The following DCLK1 variants were observed in gnomAD, a reference collection of about 807,000 sequenced individuals.
DCLK1 encodes serine/threonine-protein kinase DCLK1.
DCLK1 carries 16 observed loss-of-function variants against 86.2 expected under a neutral mutation model. The ratio of observed to expected loss-of-function variants is 0.19; its 90% CI spans 0.13 to 0.28. The LOEUF (loss-of-function observed/expected upper bound fraction) is 0.28, where lower values mean the gene tolerates loss of function less well. Ranked by LOEUF, DCLK1 falls within the 10% of genes least tolerant of loss-of-function variation. DCLK1 has a pLI of 1.00. For synonymous variants in DCLK1, 369 were observed against 370.5 expected (o/e 1.00, Z 0.05); for missense variants, 590 against 940.2 (o/e 0.63, Z 4.87).
intron 8 of DCLK1, among the ~76,000 whole-genome samples, chr13:35,828,680 C>CAAAAG (rs58012679): frequency 0.33 from 50,599 of 151,590 alleles, 8,544 homozygotes; most frequent in East Asian, 0.54. Flanking sequence ...GCTCTCAAAA[C>CAAAAG]AAAACACTAG....
rs572255792 is a variant in DCLK1, at chr13:35,838,083, A to G, written c.1120+1009T>C. 4.6e-5 allele frequency among the ~76,000 whole-genome samples: 7 copies of G among 151,726 alleles called. 1 individual carries two copies. The East Asian group carries it at 1.4e-3, about 29-fold the overall frequency. On this transcript the variant is annotated intron_variant, in intron 7 of 16. Coordinates refer to ENST00000360631, the MANE Select transcript of DCLK1 (RefSeq NM_001330071.2). The stretch of plus-strand genomic sequence containing the variant: ...TCCATCTCAAAAAAAAAAAGAAAAG[A>G]AAAGAAAAGAAAAAAAAGGCTTAGC...
intron 4 of DCLK1, among the ~76,000 whole-genome samples, chr13:35,918,780 T>C (rs1875587805): frequency 6.6e-6 from 1 of 151,952 alleles, no homozygotes; most frequent in Non-Finnish European, 1.5e-5. Flanking sequence ...AATAAAGGGA[T>C]TTATGAAAGC....
At chr13:36,016,864 G>A (rs1881555551) in intron 3 of DCLK1, among the ~76,000 whole-genome samples, 1 of 152,134 alleles carries the variant, frequency 6.6e-6, no homozygotes, top group Non-Finnish European at 1.5e-5. Context: ...TTTATGGCAT[G>A]AAGTCTTTGA....
intron 3 of DCLK1, among the ~76,000 whole-genome samples, chr13:35,986,321 AAAAAAAAG>A (rs1336402988): frequency 4.6e-5 from 7 of 150,898 alleles, no homozygotes; most frequent in Non-Finnish European, 1.0e-4. Context: ...AAAAAAAAAA[AAAAAAAAG>A]GCCAATGAAG....
At chr13:35,933,096 A>AATCCAGT (rs1876548274) in intron 4 of DCLK1, among the ~76,000 whole-genome samples, 1 of 152,334 alleles carries the variant, frequency 6.6e-6, no homozygotes, top group East Asian at 1.9e-4. Flanking sequence ...GCAAGTCCAA[A>AATCCAGT]ATCCAGTGGG....
chr13:36,034,719 C>T (rs1882422034), intron 3 of DCLK1, among the ~76,000 whole-genome samples: 1 of 152,122 alleles, frequency 6.6e-6, no homozygotes, highest in African/African-American at 2.4e-5. Flanking sequence ...AAAGCTCTCA[C>T]TCATCAGTTT....
At chr13:36,040,611 C>A (rs1216874153) in intron 3 of DCLK1, among the ~76,000 whole-genome samples, 1 of 151,720 alleles carries the variant, frequency 6.6e-6, no homozygotes, top group East Asian at 2.0e-4. Flanking sequence ...CTTTTATTCT[C>A]CTTTCTATAC....
intron 4 of DCLK1, among the ~76,000 whole-genome samples, chr13:35,947,021 T>C (rs1877420793): frequency 6.6e-6 from 1 of 152,140 alleles, no homozygotes; most frequent in Admixed American, 6.6e-5. Flanking sequence ...TATTTTATGA[T>C]GACAAATCCC....
chr13:35,941,416 C>T (rs1465665191), intron 4 of DCLK1, among the ~76,000 whole-genome samples: 1 of 152,136 alleles, frequency 6.6e-6, no homozygotes, highest in Non-Finnish European at 1.5e-5. Flanking sequence ...TACCCAACAC[C>T]ATGGTGATCC....
intron 3 of DCLK1, among the ~76,000 whole-genome samples, chr13:35,953,307 C>G (rs1428049559): frequency 6.6e-6 from 1 of 152,020 alleles, no homozygotes; most frequent in Non-Finnish European, 1.5e-5. Flanking sequence ...TGTTAACTAC[C>G]AAGCTGTAGG....
rs998678030 is a variant in DCLK1 at position 36,032,150 on chromosome 13, C to CT, written c.723+79718dup. 4.5e-4 allele frequency among the ~76,000 whole-genome samples: 62 copies of CT among 138,436 alleles called. No homozygotes were observed. The South Asian group carries it at 8.2e-3, about 18-fold the overall frequency. The allele number at this position is 138,436 out of a possible 152,430, so 90.8% of individuals were successfully genotyped here. A position where few individuals can be genotyped will look rare whatever the true frequency, so the allele number is the denominator to read the frequency against. The stretch of plus-strand genomic sequence containing the variant: ...TTTCTTTTCTTTTTTTTTCTTTTTT[C>CT]TTTTTTTTTGAGACGGATTCTTGCT... On this transcript the variant is annotated intron_variant, in intron 3 of 16. Transcript: ENST00000360631.
intron 3 of DCLK1, among the ~76,000 whole-genome samples, chr13:36,091,535 C>G (rs1184012679): frequency 6.6e-6 from 1 of 152,124 alleles, no homozygotes; most frequent in Non-Finnish European, 1.5e-5. Context: ...ATTTGGCCAT[C>G]AAAATGGAAA....
chr13:36,110,625 C>A (rs1198820836), intron 3 of DCLK1, among the ~76,000 whole-genome samples: 2 of 152,012 alleles, frequency 1.3e-5, no homozygotes, highest in African/African-American at 4.8e-5. Flanking sequence ...TTAATAAGAT[C>A]AATCTTTTAA....
At chr13:36,081,452 C>T (rs553781953) in intron 3 of DCLK1, among the ~76,000 whole-genome samples, 62 of 152,246 alleles carry the variant, frequency 4.1e-4, no homozygotes, top group Non-Finnish European at 8.2e-4. Flanking sequence ...CTGAAATCTA[C>T]TTAAAAAGAC....
intron 6 of DCLK1, chr13:35,847,867 G>C (rs191101840): frequency 1.0e-6 from 1 of 985,270 alleles, no homozygotes; most frequent in Non-Finnish European, 1.2e-6. Context: ...TTCTATGGCA[G>C]TACAGAAACT....
At chr13:35,805,118 C>A (rs1195150322) in intron 15 of DCLK1, among the ~76,000 whole-genome samples, 1 of 152,202 alleles carries the variant, frequency 6.6e-6, no homozygotes, top group African/African-American at 2.4e-5. Context: ...CAGCTCTAAT[C>A]TGGACCGCAG....
At chr13:35,819,814 C>A (rs558194139) in intron 11 of DCLK1, among the ~76,000 whole-genome samples, 1 of 151,896 alleles carries the variant, frequency 6.6e-6, no homozygotes, top group Admixed American at 6.6e-5. Flanking sequence ...ATTTTCACTA[C>A]ATATATTATC....
At chr13:36,116,980 T>C (rs529737438) in intron 2 of DCLK1, among the ~76,000 whole-genome samples, 29 of 152,334 alleles carry the variant, frequency 1.9e-4, no homozygotes, top group African/African-American at 4.1e-4. Flanking sequence ...ATGATTTTCA[T>C]TGAGCTATTA....
At chr13:35,918,157 G>A (rs952751139) in intron 4 of DCLK1, among the ~76,000 whole-genome samples, 6 of 152,072 alleles carry the variant, frequency 3.9e-5, no homozygotes, top group African/African-American at 1.4e-4. Flanking sequence ...GACTCATAAG[G>A]CATACACAAA....
Sources: gnomAD v4.1 joint callset for allele counts (sites outside exome capture counted in the v4.1 genomes callset) on GRCh38, gnomAD v4.1.1 for gene constraint, MANE v1.5 for transcripts, NCBI Gene and HGNC (gene_info 2026-07-23, HGNC 2026-07-21) for gene names.